MAN1A2: variants seen among roughly 807,000 people sequenced by gnomAD.
MAN1A2 encodes mannosyl-oligosaccharide 1,2-alpha-mannosidase IB.
MAN1A2 carries 26 observed loss-of-function variants against 75.7 expected under a neutral mutation model. That is an observed-to-expected ratio of 0.34 (90% CI 0.25 to 0.48). MAN1A2 has a LOEUF of 0.48. Among genes scored for constraint, MAN1A2 ranks in the 20% least tolerant of loss-of-function variants. The pLI is 0.99. For missense variants in MAN1A2, 562 were observed against 775.5 expected (o/e 0.72, Z 3.27); for synonymous variants, 247 against 264.6 (o/e 0.93, Z 0.65).
intron 1 of MAN1A2, among the ~76,000 whole-genome samples, chr1:117,378,748 C>T (rs1434932260): frequency 6.6e-6 from 1 of 152,098 alleles, no homozygotes; most frequent in Non-Finnish European, 1.5e-5. Flanking sequence ...CTTTTCCAAC[C>T]TGCTGTCAAT....
At chr1:117,403,228 A>G (rs1040092062) in intron 2 of MAN1A2, among the ~76,000 whole-genome samples, 1 of 152,222 alleles carries the variant, frequency 6.6e-6, no homozygotes, top group African/African-American at 2.4e-5. Flanking sequence ...TCAAATATCT[A>G]TTTGGATATA....
chr1:117,369,092 A>T (rs1652869140), intron 1 of MAN1A2, among the ~76,000 whole-genome samples: 2 of 152,178 alleles, frequency 1.3e-5, no homozygotes, highest in African/African-American at 2.4e-5. Context: ...AGTTAAGTTA[A>T]AAGGTATTGA....
chr1:117,423,739 A>G (rs763061523), intron 5 of MAN1A2, among the ~76,000 whole-genome samples: 1 of 152,142 alleles, frequency 6.6e-6, no homozygotes, highest in Non-Finnish European at 1.5e-5. Flanking sequence ...ACTTTGTGAT[A>G]CTATCATTTT....
intron 5 of MAN1A2, among the ~76,000 whole-genome samples, chr1:117,425,236 A>C (rs1648326286): frequency 6.6e-6 from 1 of 152,168 alleles, no homozygotes; most frequent in African/African-American, 2.4e-5. Flanking sequence ...TGGAAAGGAA[A>C]AAACAAAACT....
At chr1:117,450,335 A>G (rs945399303) in intron 6 of MAN1A2, among the ~76,000 whole-genome samples, 1 of 152,198 alleles carries the variant, frequency 6.6e-6, no homozygotes, top group Non-Finnish European at 1.5e-5. Context: ...AGAAATTTCT[A>G]AGCAGCAAAG....
At chr1:117,468,687 T>G (rs1650052453) in intron 8 of MAN1A2, among the ~76,000 whole-genome samples, 1 of 152,168 alleles carries the variant, frequency 6.6e-6, no homozygotes, top group African/African-American at 2.4e-5. Context: ...AAACGTCTTG[T>G]AATAGGGATT....
chr1:117,475,205 T>C (rs1387602627), intron 8 of MAN1A2, among the ~76,000 whole-genome samples: 1 of 151,958 alleles, frequency 6.6e-6, no homozygotes, highest in Non-Finnish European at 1.5e-5. Flanking sequence ...TTTTATCAAA[T>C]AGTAGATGTG....
intron 8 of MAN1A2, among the ~76,000 whole-genome samples, chr1:117,466,874 C>T (rs1166608142): frequency 6.6e-6 from 1 of 151,976 alleles, no homozygotes; most frequent in African/African-American, 2.4e-5. Context: ...CATTATTTAC[C>T]AGTCTCTGTG....
chr1:117,473,394 CCTTT>C (rs1650222840), intron 8 of MAN1A2, among the ~76,000 whole-genome samples: 1 of 151,950 alleles, frequency 6.6e-6, no homozygotes, highest in African/African-American at 2.4e-5. Context: ...TCCTAATTGG[CCTTT>C]CTGTTTCTGC....
chr1:117,401,406 G>A (rs1000464914), intron 1 of MAN1A2, among the ~76,000 whole-genome samples: 3 of 152,106 alleles, frequency 2.0e-5, no homozygotes, highest in Non-Finnish European at 2.9e-5. Context: ...AGTAGTCATC[G>A]TTGGTTGACT....
chr1:117,499,015 A>C (rs1299925201), intron 10 of MAN1A2, among the ~76,000 whole-genome samples: 3 of 151,924 alleles, frequency 2.0e-5, no homozygotes, highest in African/African-American at 4.8e-5. Context: ...ACATCCACAC[A>C]GTGTCATTAT....
intron 8 of MAN1A2, among the ~76,000 whole-genome samples, chr1:117,492,605 C>G (rs1292711737): frequency 6.6e-6 from 1 of 151,876 alleles, no homozygotes; most frequent in Admixed American, 6.6e-5. Flanking sequence ...TCAAGGGGAG[C>G]AAGTCAACAG....
intron 5 of MAN1A2, among the ~76,000 whole-genome samples, chr1:117,437,772 C>T (rs1648891714): frequency 6.6e-6 from 1 of 152,150 alleles, no homozygotes; most frequent in Non-Finnish European, 1.5e-5. Context: ...ATCATCATCA[C>T]CATCATTATC....
chr1:117,496,433 C>T (rs922548218), intron 9 of MAN1A2, among the ~76,000 whole-genome samples: 4 of 151,928 alleles, frequency 2.6e-5, no homozygotes, highest in Non-Finnish European at 5.9e-5. Context: ...TATAATATGG[C>T]TTCTCTTATC....
intron 1 of MAN1A2, among the ~76,000 whole-genome samples, chr1:117,376,309 T>G (rs1049744388): frequency 1.3e-4 from 8 of 59,608 alleles, no homozygotes; most frequent in African/African-American, 2.7e-4. Flanking sequence ...CGGTCCAGCA[T>G]GACTCAAGTG....
At chr1:117,400,802 A>G (rs1346322782) in intron 1 of MAN1A2, among the ~76,000 whole-genome samples, 1 of 152,206 alleles carries the variant, frequency 6.6e-6, no homozygotes, top group Admixed American at 6.5e-5. Flanking sequence ...ATTATGGGCT[A>G]TAAACATTTG....
At chr1:117,431,872 C>G (rs902741072) in intron 5 of MAN1A2, among the ~76,000 whole-genome samples, 7 of 152,076 alleles carry the variant, frequency 4.6e-5, no homozygotes, top group Non-Finnish European at 8.8e-5. Flanking sequence ...ATTGCTTGAG[C>G]CTAGGAGGTT....
chr1:117,442,430 T>A (rs767333830), intron 6 of MAN1A2, 105 bp downstream of exon 6: 1 of 682,042 alleles, frequency 1.5e-6, no homozygotes, highest in Non-Finnish European at 2.6e-6. Context: ...GACATATTGT[T>A]TTTCTCTCTA....
At chr1:117,384,953 G>A (rs770524281) in intron 1 of MAN1A2, among the ~76,000 whole-genome samples, 3 of 152,028 alleles carry the variant, frequency 2.0e-5, no homozygotes, top group East Asian at 3.9e-4. Context: ...CATAGACGAC[G>A]GAATTTGGAA....
Sources: gnomAD v4.1 joint callset for allele counts (sites outside exome capture counted in the v4.1 genomes callset) on GRCh38, gnomAD v4.1.1 for gene constraint, MANE v1.5 for transcripts, NCBI Gene and HGNC (gene_info 2026-07-23, HGNC 2026-07-21) for gene names.